MAP2K5: variants seen among roughly 807,000 people sequenced by gnomAD.
MAP2K5 encodes the protein mitogen-activated protein kinase kinase 5.
MAP2K5 carries 49 observed loss-of-function variants against 83.1 expected under a neutral mutation model. The ratio of observed to expected loss-of-function variants is 0.59; its 90% CI spans 0.47 to 0.75. MAP2K5 has a LOEUF of 0.75. Among genes scored for constraint, MAP2K5 ranks in the 30% least tolerant of loss-of-function variants. The pLI is 0.00. For missense variants in MAP2K5, 457 were observed against 557.5 expected (o/e 0.82, Z 1.82); for synonymous variants, 202 against 191.8 (o/e 1.05, Z -0.44).
At chr15:67,618,652 T>C (rs768227093) in intron 8 of MAP2K5, among the ~76,000 whole-genome samples, 1 of 152,222 alleles carries the variant, frequency 6.6e-6, no homozygotes, top group Non-Finnish European at 1.5e-5. Context: ...CTCTATTCTA[T>C]AGGATGCTAA....
intron 4 of MAP2K5, among the ~76,000 whole-genome samples, chr15:67,584,469 T>C (rs1275521569): frequency 6.6e-6 from 1 of 152,196 alleles, no homozygotes; most frequent in African/African-American, 2.4e-5. Flanking sequence ...TGCATGTGAC[T>C]GTAGTTCAAA....
intron 19 of MAP2K5, among the ~76,000 whole-genome samples, chr15:67,765,638 C>T (rs2090028186): frequency 6.6e-6 from 1 of 152,176 alleles, no homozygotes; most frequent in Non-Finnish European, 1.5e-5. Flanking sequence ...TGCCTGCTCT[C>T]AAGGTCACTA....
At position 67,562,526 on chromosome 15, in the gene MAP2K5, G is replaced by A. The variant is rs1165073479; in HGVS notation, c.185-757G>A. On this transcript the variant is annotated intron_variant, in intron 2 of 21. Coordinates refer to ENST00000178640, the MANE Select transcript of MAP2K5 (RefSeq NM_145160.3). This position sits in a 1 kb window ranked among gnomAD's most constrained non-coding sequence, Gnocchi z 4.1. ...ACTCAAATTTACACATTCTGGTTAT[G>A]TAGTTTGTGAAGTCTTGTCCTCCAG... is the stretch of plus-strand genomic sequence containing the variant. 2.6e-5 allele frequency among the ~76,000 whole-genome samples: 4 copies of A among 152,176 alleles called. No homozygotes were observed. In the East Asian group the frequency reaches 7.7e-4, roughly 29 times the overall value.
rs1309378160 is a variant in MAP2K5 at position 67,746,387 on chromosome 15, A to T, written c.1075-1844A>T. On this transcript the variant is annotated intron_variant, in intron 17 of 21. Transcript: ENST00000178640. This position sits in a 1 kb window ranked among gnomAD's most constrained non-coding sequence, Gnocchi z 4.1. ...ATTTCTGATTCTTTATTCATTACAA[A>T]TAACTCCGTTGTTGAAGCAGATATA... Among the ~76,000 whole-genome samples the T allele has an allele frequency of 1.3e-5, 2 of 152,150 alleles. No individual in the cohort carries two copies. Among genetic ancestry groups the T allele is most frequent in the Non-Finnish European group, 2.9e-5 (2 of 68,016 alleles).
Position 67,790,289 on chromosome 15 carries a change from A to G in MAP2K5, c.1243-16357A>G, listed in dbSNP as rs1009547283. Among the ~76,000 whole-genome samples the G allele has an allele frequency of 3.3e-5, 5 of 152,176 alleles. No homozygotes were observed. Among genetic ancestry groups the G allele is most frequent in the Non-Finnish European group, 7.4e-5 (5 of 68,020 alleles). On this transcript the variant is annotated intron_variant, in intron 21 of 21. Coordinates refer to ENST00000178640, the MANE Select transcript of MAP2K5 (RefSeq NM_145160.3). The surrounding 1 kb of genome is among the most constrained non-coding windows in gnomAD (Gnocchi z 4.6). ...GCAAGCGTGCAATGCCCCTAGCCCT[A>G]ATGTGCCATTAATGATAGGTTAATG...
chr15:67,634,367 CAAAAAAAAAAAAAAAAAAAAAAAAAAAAA>C (rs71142390), intron 9 of MAP2K5, among the ~76,000 whole-genome samples: 6 of 48,580 alleles, frequency 1.2e-4, no homozygotes, highest in South Asian at 7.5e-4. Context: ...GACCTCATCT[CAAAAAAAAAAAAAAAAAAAAAAAAAAAAA>C]AAAAAAAAAA....
At position 67,693,582 on chromosome 15, in the gene MAP2K5, T is replaced by C. The variant is rs141265002; in HGVS notation, c.972+14T>C. The C allele has an allele frequency of 2.5e-6, 4 of 1,601,224 alleles. No homozygotes were observed. The highest frequency in any genetic ancestry group is 2.7e-5 in the African/African-American group (2 of 74,628). ...GCTTATATGGCGGTAAGTAAACTTATGCAAAAATAATGTTTAAAACCAACA... is the reference window on the plus strand; with the variant it reads ...GCTTATATGGCGGTAAGTAAACTTACGCAAAAATAATGTTTAAAACCAACA... On this transcript the variant is annotated intron_variant, in intron 15 of 21. Coordinates refer to ENST00000178640, the MANE Select transcript of MAP2K5 (RefSeq NM_145160.3).
At chr15:67,715,011 T>C (rs1405274549) in intron 16 of MAP2K5, among the ~76,000 whole-genome samples, 1 of 152,076 alleles carries the variant, frequency 6.6e-6, no homozygotes, top group Non-Finnish European at 1.5e-5. Flanking sequence ...CATCAAAAGG[T>C]GAAAGGATCT....
intron 8 of MAP2K5, among the ~76,000 whole-genome samples, chr15:67,605,131 C>A (rs2085752801): frequency 1.3e-5 from 2 of 150,874 alleles, no homozygotes; most frequent in Admixed American, 1.3e-4. Flanking sequence ...CGTCTCACTG[C>A]AACCTCTGCC....
rs1596851800 is a variant in MAP2K5 at position 67,719,863 on chromosome 15, T to G, written c.1045-8053T>G. ...GCTCTCATTAATCATGACTAAACTT[T>G]ATGTCTCTTTAACTCAGAGTCTCTC... On this transcript the variant is annotated intron_variant, in intron 16 of 21. Transcript: ENST00000178640. The surrounding 1 kb of genome is among the most constrained non-coding windows in gnomAD (Gnocchi z 4.6). Among the ~76,000 whole-genome samples, 1 of 152,240 alleles carries G rather than the reference T, an allele frequency of 6.6e-6. No individual in the cohort carries two copies. Among genetic ancestry groups the G allele is most frequent in the Non-Finnish European group, 1.5e-5 (1 of 68,032 alleles).
intron 11 of MAP2K5, among the ~76,000 whole-genome samples, chr15:67,649,435 A>T (rs1228269933): frequency 6.6e-6 from 1 of 151,706 alleles, no homozygotes; most frequent in Non-Finnish European, 1.5e-5. Flanking sequence ...TGATCCTCCC[A>T]CCTCAGCCTC....
intron 16 of MAP2K5, among the ~76,000 whole-genome samples, chr15:67,715,432 G>A (rs186105156): frequency 3.6e-4 from 55 of 152,270 alleles, no homozygotes; most frequent in African/African-American, 1.3e-3. Context: ...CAGACAAAGT[G>A]AAGTGTTTCC....
At chr15:67,622,828 G>T (rs1305094708) in intron 8 of MAP2K5, among the ~76,000 whole-genome samples, 2 of 152,228 alleles carry the variant, frequency 1.3e-5, no homozygotes, top group African/African-American at 4.8e-5. Flanking sequence ...GCTGGGCGTG[G>T]TGGCTTACGC....
chr15:67,556,309 G>C (rs1484834292), intron 2 of MAP2K5, among the ~76,000 whole-genome samples: 2 of 151,920 alleles, frequency 1.3e-5, no homozygotes, highest in Non-Finnish European at 2.9e-5. Context: ...ATTTTTACAT[G>C]GTCAAACTTA....
intron 5 of MAP2K5, 52 bp from the exon 6 acceptor site, chr15:67,586,794 G>A: frequency 6.5e-7 from 1 of 1,535,276 alleles, no homozygotes; most frequent in Non-Finnish European, 9.0e-7. Flanking sequence ...AGGTTAATTA[G>A]AACTGTGTCC....
At chr15:67,804,189 A>G (rs28568344) in intron 21 of MAP2K5, among the ~76,000 whole-genome samples, 81,420 of 151,940 alleles carry the variant, frequency 0.54, 22,644 homozygotes, top group East Asian at 0.86. Flanking sequence ...CTCGGGTCCT[A>G]CACACTGGCT....
chr15:67,581,012 C>T (rs558668111), intron 4 of MAP2K5, among the ~76,000 whole-genome samples, 189 bp downstream of exon 4: 1 of 152,214 alleles, frequency 6.6e-6, no homozygotes, highest in South Asian at 2.1e-4. Flanking sequence ...ATCTAATTTA[C>T]TAGAGTAAAT....
intron 19 of MAP2K5, among the ~76,000 whole-genome samples, chr15:67,765,879 T>C (rs1178761767): frequency 3.9e-5 from 6 of 152,252 alleles, no homozygotes; most frequent in Admixed American, 3.9e-4. Flanking sequence ...TTAAGCATTC[T>C]GAACTTGTCC....
intron 6 of MAP2K5, 35 bp from the exon 7 acceptor site, chr15:67,592,891 T>C (rs1451707560): frequency 1.3e-6 from 2 of 1,514,300 alleles, no homozygotes; most frequent in Non-Finnish European, 1.8e-6. Flanking sequence ...GAGGTGTTGA[T>C]GATCTTGCCA....
Sources: allele counts gnomAD v4.1 joint callset (sites outside exome capture counted in the v4.1 genomes callset), GRCh38; gene constraint gnomAD v4.1.1; non-coding constraint Gnocchi (gnomAD v3.1); transcripts MANE v1.5; gene names NCBI Gene and HGNC (gene_info 2026-07-23, HGNC 2026-07-21).